Variants in ITFG2 observed in about 807,000 individuals in gnomAD.
The protein encoded by ITFG2 is integrin alpha FG-GAP repeat containing 2, also known as KICSTOR complex protein ITFG2.
ITFG2 carries 36 observed loss-of-function variants against 54.4 expected under a neutral mutation model. The observed-to-expected ratio is 0.66, with a 90% confidence interval of 0.51 to 0.87. ITFG2 has a LOEUF of 0.87. ITFG2 is among the 40% of genes least tolerant of loss of function. The pLI, the probability that ITFG2 is intolerant of heterozygous loss-of-function variation, is 0.00. For missense variants in ITFG2, 524 were observed against 576.7 expected (o/e 0.91, Z 0.94); for synonymous variants, 211 against 225.4 (o/e 0.94, Z 0.57).
chr12:2,850,396 C>T (rs1398417348), intron 2 of ITFG2, among the ~76,000 whole-genome samples: 1 of 150,590 alleles, frequency 6.6e-6, no homozygotes, highest in Non-Finnish European at 1.5e-5. Flanking sequence ...ATCACTTGAA[C>T]CCGGGAGGAG....
At chr12:2,813,197 C>T (rs907945565) in intron 1 of ITFG2, among the ~76,000 whole-genome samples, 3 of 152,196 alleles carry the variant, frequency 2.0e-5, no homozygotes, top group Non-Finnish European at 4.4e-5. Flanking sequence ...CCACCACGCC[C>T]GACTAATTTT....
chr12:2,842,428 C>CT (rs1430534452), intron 2 of ITFG2, among the ~76,000 whole-genome samples: 7 of 150,012 alleles, frequency 4.7e-5, no homozygotes, highest in African/African-American at 7.3e-5. Flanking sequence ...GCCTTGTTTC[C>CT]TTTTTTTTTA....
intron 3 of ITFG2, chr12:2,858,875 G>A (rs764795562): frequency 1.9e-6 from 3 of 1,614,134 alleles, no homozygotes; most frequent in Non-Finnish European, 2.5e-6. Context: ...AGGGGACGGA[G>A]ATGAGGTCTA....
chr12:2,839,931 C>T (rs2098036981), intron 1 of ITFG2, among the ~76,000 whole-genome samples: 1 of 152,062 alleles, frequency 6.6e-6, no homozygotes, highest in African/African-American at 2.4e-5. Flanking sequence ...AAGATGGGAA[C>T]AACAGACACT....
chr12:2,814,861 GA>G (rs1366740894), intron 1 of ITFG2, among the ~76,000 whole-genome samples: 1 of 151,428 alleles, frequency 6.6e-6, no homozygotes, highest in Non-Finnish European at 1.5e-5. Context: ...AGAAAGAAAA[GA>G]AATAAGAAAC....
chr12:2,855,873 G>A (rs1401440325), intron 2 of ITFG2, among the ~76,000 whole-genome samples: 1 of 152,064 alleles, frequency 6.6e-6, no homozygotes, highest in African/African-American at 2.4e-5. Flanking sequence ...ACTTGCTCCT[G>A]GTCTTGGCGG....
intron 8 of ITFG2, 27 bp from the exon 9 acceptor site, chr12:2,821,665 A>G (rs2097945196): frequency 2.5e-6 from 4 of 1,613,472 alleles, no homozygotes; most frequent in Non-Finnish European, 3.4e-6. Context: ...TATCCCACCC[A>G]CACTCAGCCT....
upstream of ITFG2, chr12:2,835,623 C>T (rs2098025458): frequency 6.6e-6 from 1 of 152,226 alleles, no homozygotes; most frequent in African/African-American, 2.4e-5. Context: ...GCATCTCAGT[C>T]TCCTTTATAT....
At chr12:2,841,638 G>A (rs61919361) in intron 2 of ITFG2, among the ~76,000 whole-genome samples, 30,395 of 152,036 alleles carry the variant, frequency 0.2, 3,640 homozygotes, top group South Asian at 0.34. Context: ...TAAACCACAC[G>A]CTGGATTTTG....
chr12:2,819,291 C>T (rs1296618330), intron 4 of ITFG2, among the ~76,000 whole-genome samples: 3 of 151,756 alleles, frequency 2.0e-5, no homozygotes, highest in East Asian at 2.0e-4. Context: ...AGTGAAACCC[C>T]GTCTCTACTA....
At position 2,824,246 on chromosome 12, in the gene ITFG2, C is replaced by A. The variant is rs574798377; in HGVS notation, c.*53C>A. ...ATTCTTCTGAACCCCCACCCTACCC[C>A]CTAAAGGTATCTGTGGTATTGGCAG... is the stretch of plus-strand genomic sequence containing the variant. On this transcript the variant is annotated 3_prime_UTR_variant, in exon 12 of 12. Coordinates refer to ENST00000228799, the MANE Select transcript of ITFG2 (RefSeq NM_018463.4). 73 of 1,535,692 alleles carry A rather than the reference C, an allele frequency of 4.8e-5. No homozygotes were observed. In the East Asian group the frequency reaches 9.7e-4, roughly 20 times the overall value.
chr12:2,828,159 G>A (rs368905244), downstream of ITFG2: 37 of 1,196,874 alleles, frequency 3.1e-5, no homozygotes, highest in African/African-American at 2.9e-4. Context: ...CTGACCTCAC[G>A]TGGGGTCTAA....
intron 7 of ITFG2, 72 bp downstream of exon 7, chr12:2,821,431 G>C: frequency 6.5e-7 from 1 of 1,549,110 alleles, no homozygotes; most frequent in Non-Finnish European, 8.9e-7. Flanking sequence ...GAGATCCATA[G>C]CTTTCCCCTC....
At position 2,823,752 on chromosome 12, in the gene ITFG2, C is replaced by T. The variant is rs778907476; in HGVS notation, c.1067-18C>T. ...ACTGAAACTTCCTGACCTTTATCTCCCTGCCAACATCTTCCAGGCCTGTAC... is the reference window on the plus strand; with the variant it reads ...ACTGAAACTTCCTGACCTTTATCTCTCTGCCAACATCTTCCAGGCCTGTAC... On this transcript the variant is annotated intron_variant, in intron 10 of 11. Coordinates refer to ENST00000228799, the MANE Select transcript of ITFG2 (RefSeq NM_018463.4). 1.3e-6 allele frequency: 2 copies of T among 1,529,576 alleles called. No individual in the cohort carries two copies. The highest frequency in any genetic ancestry group is 8.8e-7 in the Non-Finnish European group (1 of 1,136,518). 94.8% of individuals were successfully genotyped at this position (1,529,576 alleles called of 1,614,324 possible).
downstream of ITFG2, chr12:2,827,101 G>T (rs748910612): frequency 9.8e-5 from 152 of 1,558,300 alleles, no homozygotes; most frequent in Non-Finnish European, 1.3e-4. The surrounding 1 kb of genome is among the most constrained non-coding windows in gnomAD (Gnocchi z 4.0). Context: ...GATTGGAAGG[G>T]CAGACACCAT....
At chr12:2,821,028 A>G (rs2097942405) in intron 6 of ITFG2, among the ~76,000 whole-genome samples, 156 bp downstream of exon 6, 1 of 152,278 alleles carries the variant, frequency 6.6e-6, no homozygotes, top group Admixed American at 6.5e-5. Flanking sequence ...AGATTACTTT[A>G]AGACCAAGGG....
chr12:2,814,627 C>T (rs1008044066), intron 1 of ITFG2, among the ~76,000 whole-genome samples: 3 of 152,062 alleles, frequency 2.0e-5, no homozygotes, highest in South Asian at 2.1e-4. Context: ...CCTAGGAGTT[C>T]GAGACCAGCC....
At chr12:2,849,305 G>T in intron 2 of ITFG2, 1 of 1,536,150 alleles carries the variant, frequency 6.5e-7, no homozygotes, top group East Asian at 2.4e-5. Flanking sequence ...AGATGGTGGA[G>T]GGGTAAGGCA....
intron 2 of ITFG2, chr12:2,854,972 G>A (rs2098082669): frequency 2.0e-6 from 3 of 1,536,274 alleles, no homozygotes; most frequent in Non-Finnish European, 2.6e-6. Context: ...CTCAACTTGA[G>A]CTTCTCCACC....
Sources: gnomAD v4.1 joint callset for allele counts (sites outside exome capture counted in the v4.1 genomes callset) on GRCh38, gnomAD v4.1.1 for gene constraint, Gnocchi (gnomAD v3.1) non-coding constraint, MANE v1.5 for transcripts, NCBI Gene and HGNC (gene_info 2026-07-23, HGNC 2026-07-21) for gene names.